Variants in EGFR observed in about 807,000 individuals in gnomAD.
EGFR encodes avian erythroblastic leukemia viral (v-erb-b) oncogene homolog.
In EGFR, 58 loss-of-function variants were observed where a neutral mutation model predicts 143.0. That is an observed-to-expected ratio of 0.41 (90% confidence interval 0.33 to 0.50). EGFR has a LOEUF of 0.50. Ranked by LOEUF, EGFR falls within the 20% of genes least tolerant of loss-of-function variation. The pLI is 0.39. For synonymous variants in EGFR, 613 were observed against 594.4 expected, an observed-to-expected ratio of 1.03 and a Z score of -0.45; for missense variants, 1,307 against 1,579.0, an observed-to-expected ratio of 0.83 and a Z score of 2.92.
At chr7:55,109,123 G>A (rs995461914) in intron 1 of EGFR, among the ~76,000 whole-genome samples, 4 of 152,288 alleles carry the variant, frequency 2.6e-5, no homozygotes, top group Admixed American at 2.6e-4. Flanking sequence ...AGAATTTATT[G>A]CCTCCTTAGG....
At chr7:55,091,084 G>C (rs567766967) in intron 1 of EGFR, among the ~76,000 whole-genome samples, 7 of 152,314 alleles carry the variant, frequency 4.6e-5, no homozygotes, top group African/African-American at 1.7e-4. Context: ...GTGCAAGATC[G>C]CTGAGTTGGC....
intron 26 of EGFR, 112 bp from the exon 27 acceptor site, chr7:55,202,405 G>A: frequency 1.1e-6 from 1 of 933,028 alleles, no homozygotes; most frequent in South Asian, 1.5e-5. Context: ...TCTCAGGCCT[G>A]CCCAACCTAC....
At chr7:55,139,425 CA>C (rs1794332861) in intron 1 of EGFR, among the ~76,000 whole-genome samples, 1 of 152,032 alleles carries the variant, frequency 6.6e-6, no homozygotes, top group African/African-American at 2.4e-5. Flanking sequence ...AGGATGGAAC[CA>C]AGATCATACC....
chr7:55,144,208 C>A (rs1341855550), intron 3 of EGFR, among the ~76,000 whole-genome samples: 1 of 152,170 alleles, frequency 6.6e-6, no homozygotes, highest in Non-Finnish European at 1.5e-5. Flanking sequence ...CTGGCTGGAC[C>A]CCGCCGAGGG....
At chr7:55,144,434 G>T (rs985583917) in intron 3 of EGFR, among the ~76,000 whole-genome samples, 6 of 152,242 alleles carry the variant, frequency 3.9e-5, no homozygotes, top group Admixed American at 3.9e-4. Flanking sequence ...GCCCCAGGGC[G>T]CTCAACGCCC....
chr7:55,090,259 C>G (rs1301757674), intron 1 of EGFR, among the ~76,000 whole-genome samples: 1 of 152,142 alleles, frequency 6.6e-6, no homozygotes, highest in Non-Finnish European at 1.5e-5. Flanking sequence ...GCTGTACGTG[C>G]ATTTTTAGTT....
At chr7:55,023,640 G>A (rs1445161511) in intron 1 of EGFR, among the ~76,000 whole-genome samples, 1 of 108,700 alleles carries the variant, frequency 9.2e-6, no homozygotes, top group African/African-American at 3.8e-5. Flanking sequence ...GACAGTGTGA[G>A]ACTCCATCTC....
Position 55,161,570 on chromosome 7 carries a change from G to A in EGFR, c.1570G>A (p.Val524Ile), listed in dbSNP as rs587778249. 1.7e-5 allele frequency: 28 copies of A among 1,614,160 alleles called. No homozygotes were observed. Among genetic ancestry groups the A allele is most frequent in the Admixed American group, 8.3e-5 (5 of 60,018 alleles). Reference sequence around the variant, plus strand: ...CTGGGGCCCGGAGCCCAGGGACTGCGTCTCTTGCCGGAATGTCAGCCGAGG... The same window carrying A: ...CTGGGGCCCGGAGCCCAGGGACTGCATCTCTTGCCGGAATGTCAGCCGAGG... ...GCWGPEPRDC[V>I]SCRNVSRGRE... The change falls in exon 13 of 28, where the codon GTC becomes ATC. Residue 524 changes from valine (V) to isoleucine (I), a missense_variant. By Grantham distance (29) the Val-to-Ile change is conservative. Transcript: ENST00000275493.
intron 1 of EGFR, among the ~76,000 whole-genome samples, chr7:55,089,853 T>C (rs1001245503): frequency 3.9e-5 from 6 of 152,208 alleles, no homozygotes; most frequent in African/African-American, 7.2e-5. Context: ...TAACCAGCTA[T>C]GCAGGATGCC....
intron 27 of EGFR, among the ~76,000 whole-genome samples, chr7:55,203,564 C>CCA (rs1448946122): frequency 5.3e-4 from 5 of 9,428 alleles, no homozygotes; most frequent in African/African-American, 1.8e-3. Flanking sequence ...CATACACACA[C>CCA]CACACACACA....
rs1786340819 is a variant in EGFR, at chr7:55,019,032, C to T, written c.-246C>T. On this transcript the variant is annotated 5_prime_UTR_variant, in exon 1 of 28. Coordinates refer to ENST00000275493, the MANE Select transcript of EGFR (RefSeq NM_005228.5). ...CGCGCGAGCTAGACGTCCGGGCAGC[C>T]CCCGGCGCAGCGCGGCCGCAGCAGC... 4 of 224,562 alleles carry T rather than the reference C, an allele frequency of 1.8e-5. No homozygotes were observed. Among genetic ancestry groups the T allele is most frequent in the Non-Finnish European group, 3.4e-5 (4 of 117,138 alleles). The allele number at this position is 224,562 out of a possible 1,614,324, so 13.9% of individuals were successfully genotyped here. A position where few individuals can be genotyped will look rare whatever the true frequency, so the allele number is the denominator to read the frequency against.
intron 7 of EGFR, among the ~76,000 whole-genome samples, chr7:55,154,647 TTTTTA>T (rs994602855): frequency 2.6e-5 from 4 of 152,252 alleles, no homozygotes; most frequent in Non-Finnish European, 5.9e-5. Context: ...TTTGTTTTTG[TTTTTA>T]TTTTGTTTTG....
intron 1 of EGFR, chr7:55,119,101 T>C (rs1793048235): frequency 6.6e-6 from 1 of 152,182 alleles, no homozygotes; most frequent in Non-Finnish European, 1.5e-5. Context: ...GAAGGCATCA[T>C]CAAGACCTTA....
At chr7:55,031,106 G>T (rs1407003215) in intron 1 of EGFR, among the ~76,000 whole-genome samples, 1 of 152,198 alleles carries the variant, frequency 6.6e-6, no homozygotes, top group Non-Finnish European at 1.5e-5. Context: ...TGATTATAAA[G>T]TAGCAAAGGA....
rs887421505 is a variant in EGFR at position 55,207,751 on chromosome 7, G to C, written c.*2134G>C. ...CTCTAAGCCAGGGGATGAGCTTGGA[G>C]CATCCCACAAGTTCCCTAAAAGTTG... On this transcript the variant is annotated 3_prime_UTR_variant, in exon 28 of 28. Transcript: ENST00000275493. 1.3e-5 allele frequency: 2 copies of C among 152,376 alleles called. No individual in the cohort carries two copies. Among genetic ancestry groups the C allele is most frequent in the Non-Finnish European group, 2.9e-5 (2 of 68,114 alleles). The allele number at this position is 152,376 out of a possible 1,614,324, so 9.4% of individuals were successfully genotyped here.
At chr7:55,155,719 A>G (rs1785375676) in intron 7 of EGFR, 111 bp from the exon 8 acceptor site, 3 of 833,898 alleles carry the variant, frequency 3.6e-6, no homozygotes, top group African/African-American at 1.7e-5. Flanking sequence ...AAATAAAGCC[A>G]AAGGAGGATG....
At chr7:55,195,224 C>A (rs917456434) in intron 22 of EGFR, among the ~76,000 whole-genome samples, 1 of 152,194 alleles carries the variant, frequency 6.6e-6, no homozygotes, top group African/African-American at 2.4e-5. Flanking sequence ...GGGGATGACA[C>A]AAGAATCTAT....
intron 1 of EGFR, among the ~76,000 whole-genome samples, chr7:55,141,136 A>G (rs1319086948): frequency 3.3e-5 from 5 of 152,206 alleles, no homozygotes; most frequent in African/African-American, 1.2e-4. Flanking sequence ...ATGAGGAAGA[A>G]CCTGGCCAAG....
At chr7:55,050,707 GCTAGGCCTTGCATTGC>G (rs1428662108) in intron 1 of EGFR, among the ~76,000 whole-genome samples, 4 of 152,104 alleles carry the variant, frequency 2.6e-5, no homozygotes, top group African/African-American at 9.7e-5. Flanking sequence ...GTCATCCTTG[GCTAGGCCTTGCATTGC>G]CATAGCCCTC....
Sources: allele counts gnomAD v4.1 joint callset (sites outside exome capture counted in the v4.1 genomes callset), GRCh38; gene constraint gnomAD v4.1.1; transcripts MANE v1.5; gene names NCBI Gene and HGNC (gene_info 2026-07-23, HGNC 2026-07-21).